ACOXL: variants seen among roughly 807,000 people sequenced by gnomAD.
ACOXL encodes the protein acyl-CoA oxidase like, also known as acyl-coenzyme A oxidase-like protein.
ACOXL carries 70 observed loss-of-function variants against 71.9 expected under a neutral mutation model. The observed-to-expected ratio is 0.97, with a 90% CI of 0.80 to 1.19. The LOEUF (loss-of-function observed/expected upper bound fraction) is 1.19, where lower values mean the gene tolerates loss of function less well. ACOXL is among the 50% of genes most tolerant of loss of function. The pLI, the probability that ACOXL is intolerant of heterozygous loss-of-function variation, is 0.00. For synonymous variants in ACOXL, 253 were observed against 281.6 expected, an observed-to-expected ratio of 0.90 and a Z score of 1.02; for missense variants, 703 against 736.3, an observed-to-expected ratio of 0.95 and a Z score of 0.52.
At chr2:111,105,155 G>A (rs2069448050) in intron 17 of ACOXL, among the ~76,000 whole-genome samples, 1 of 151,994 alleles carries the variant, frequency 6.6e-6, no homozygotes, top group South Asian at 2.1e-4. Context: ...TATTTGTATG[G>A]TTCTATTTCT....
chr2:111,086,196 TC>T (rs1422353303), intron 16 of ACOXL, among the ~76,000 whole-genome samples: 1 of 152,040 alleles, frequency 6.6e-6, no homozygotes, highest in East Asian at 1.9e-4. Context: ...AAAGGACACC[TC>T]CCCAACTCAT....
intron 11 of ACOXL, among the ~76,000 whole-genome samples, chr2:110,922,772 G>A (rs186767835): frequency 6.6e-6 from 1 of 152,280 alleles, no homozygotes; most frequent in African/African-American, 2.4e-5. Flanking sequence ...CTCAAGGAAA[G>A]AAACAAGAGG....
chr2:111,056,517 G>T, intron 16 of ACOXL, among the ~76,000 whole-genome samples: 1 of 151,942 alleles, frequency 6.6e-6, no homozygotes, highest in East Asian at 1.9e-4. Flanking sequence ...GGCCAGGCAT[G>T]GTGGCTCACG....
rs188272210 is a variant in ACOXL, at chr2:110,982,183, G to A, written c.1060-4925G>A. Among the ~76,000 whole-genome samples the A allele has an allele frequency of 2.6e-3, 402 of 152,164 alleles. 1 individual carries two copies. Among genetic ancestry groups the A allele is most frequent in the African/African-American group, 9.1e-3 (378 of 41,530 alleles). ...TTGTTTGTTTGTTTTTTGAGATGGA[G>A]TCTTGCTCTGCGCCCAGGCTGGAGT... On this transcript the variant is annotated intron_variant, in intron 12 of 17. Transcript: ENST00000439055.
At chr2:111,097,955 AT>A (rs1369290558) in intron 17 of ACOXL, among the ~76,000 whole-genome samples, 2 of 152,208 alleles carry the variant, frequency 1.3e-5, no homozygotes, top group Admixed American at 6.5e-5. Flanking sequence ...ACTTGCTTTT[AT>A]TTTAAAGAAT....
At chr2:110,926,229 A>G (rs961947984) in intron 11 of ACOXL, among the ~76,000 whole-genome samples, 1 of 152,270 alleles carries the variant, frequency 6.6e-6, no homozygotes, top group Admixed American at 6.5e-5. Context: ...CACAAAGTGA[A>G]TATGTGCTGC....
intron 7 of ACOXL, among the ~76,000 whole-genome samples, chr2:110,799,846 A>T (rs887975283): frequency 1.3e-5 from 2 of 152,164 alleles, no homozygotes; most frequent in African/African-American, 4.8e-5. Context: ...GTAACTAGCA[A>T]GAAGATTGTG....
intron 12 of ACOXL, among the ~76,000 whole-genome samples, chr2:110,969,641 T>G (rs912972503): frequency 6.6e-6 from 1 of 151,960 alleles, no homozygotes; most frequent in Non-Finnish European, 1.5e-5. Flanking sequence ...TAAAACCCCA[T>G]CTCTACTAAA....
chr2:110,830,683 G>A (rs796162225), intron 9 of ACOXL, among the ~76,000 whole-genome samples: 26 of 152,072 alleles, frequency 1.7e-4, no homozygotes, highest in African/African-American at 5.3e-4. Flanking sequence ...ACAGGCGCCC[G>A]CCACCACGCC....
intron 2 of ACOXL, among the ~76,000 whole-genome samples, chr2:110,781,491 A>C (rs1416497263): frequency 6.6e-6 from 1 of 151,842 alleles, no homozygotes; most frequent in Non-Finnish European, 1.5e-5. Flanking sequence ...AATACAAAAA[A>C]ATTAGCCAGG....
At chr2:110,997,150 G>A (rs2063433657) in intron 14 of ACOXL, among the ~76,000 whole-genome samples, 1 of 152,180 alleles carries the variant, frequency 6.6e-6, no homozygotes, top group Non-Finnish European at 1.5e-5. Context: ...AATGCAATCT[G>A]TAAACTGTTT....
intron 12 of ACOXL, among the ~76,000 whole-genome samples, chr2:110,962,223 T>C (rs1211294737): frequency 3.3e-5 from 5 of 152,186 alleles, no homozygotes; most frequent in Non-Finnish European, 7.3e-5. Context: ...GAGGGCACTG[T>C]AGAATGAGAA....
intron 10 of ACOXL, among the ~76,000 whole-genome samples, chr2:110,852,515 G>C (rs762971447): frequency 6.6e-6 from 1 of 152,196 alleles, no homozygotes; most frequent in Non-Finnish European, 1.5e-5. Context: ...TTCTAAATCT[G>C]CCTCCCTCAG....
chr2:111,086,709 T>C (rs1224067690), intron 16 of ACOXL, among the ~76,000 whole-genome samples: 1 of 152,176 alleles, frequency 6.6e-6, no homozygotes, highest in Admixed American at 6.6e-5. Context: ...TCATGCTGAA[T>C]GGGCAAAAGC....
intron 12 of ACOXL, among the ~76,000 whole-genome samples, chr2:110,986,262 T>G (rs1318106934): frequency 1.3e-5 from 2 of 152,224 alleles, no homozygotes; most frequent in Admixed American, 1.3e-4. Flanking sequence ...AAAACATGCA[T>G]GCATATAAAG....
chr2:111,095,108 G>A (rs1195449603), intron 17 of ACOXL, among the ~76,000 whole-genome samples: 1 of 152,008 alleles, frequency 6.6e-6, no homozygotes, highest in South Asian at 2.1e-4. Context: ...CGCTTGATGT[G>A]AGGAGTAGCA....
chr2:110,996,505 G>A (rs1452266365), intron 14 of ACOXL, among the ~76,000 whole-genome samples: 1 of 152,128 alleles, frequency 6.6e-6, no homozygotes, highest in Non-Finnish European at 1.5e-5. Context: ...GTGCCAGTGG[G>A]GTTAGTTTGA....
intron 1 of ACOXL, among the ~76,000 whole-genome samples, chr2:110,747,681 G>T (rs1305948170): frequency 1.3e-5 from 2 of 152,194 alleles, no homozygotes; most frequent in South Asian, 2.1e-4. Flanking sequence ...CAGAATCCTG[G>T]CAGGGGAGGA....
At chr2:111,070,295 C>T (rs1469164193) in intron 16 of ACOXL, among the ~76,000 whole-genome samples, 1 of 152,142 alleles carries the variant, frequency 6.6e-6, no homozygotes, top group African/African-American at 2.4e-5. Flanking sequence ...AAAATGTGGT[C>T]CATATACACC....
Sources: gnomAD v4.1 joint callset for allele counts (sites outside exome capture counted in the v4.1 genomes callset) on GRCh38, gnomAD v4.1.1 for gene constraint, MANE v1.5 for transcripts, NCBI Gene and HGNC (gene_info 2026-07-23, HGNC 2026-07-21) for gene names.